Variants in LRRC31 observed in about 807,000 individuals in gnomAD.
LRRC31 encodes the protein leucine rich repeat containing 31.
In LRRC31, 35 loss-of-function variants were observed where a neutral mutation model predicts 46.7. The observed-to-expected ratio is 0.75, with a 90% CI of 0.57 to 0.99. The LOEUF (loss-of-function observed/expected upper bound fraction) is 0.99. LRRC31 is among the 50% of genes least tolerant of loss of function. The probability of loss-of-function intolerance (pLI) is 0.00; values close to 1 mark genes in which losing one functional copy is unlikely to be tolerated. For synonymous variants in LRRC31, 236 were observed against 235.1 expected (o/e 1.00, Z -0.03); for missense variants, 613 against 626.1 (o/e 0.98, Z 0.22).
intron 7 of LRRC31, among the ~76,000 whole-genome samples, chr3:169,850,941 C>T (rs1371254110): frequency 6.6e-6 from 1 of 152,090 alleles, no homozygotes; most frequent in Non-Finnish European, 1.5e-5. Context: ...CACCACCTCC[C>T]TTTACTTGCT....
intron 8 of LRRC31, among the ~76,000 whole-genome samples, chr3:169,845,822 AC>A (rs899151142): frequency 6.6e-6 from 1 of 152,136 alleles, no homozygotes; most frequent in African/African-American, 2.4e-5. Context: ...ACACAAAAAA[AC>A]TCTATTCATC....
At chr3:169,866,360 G>GTCTTC (rs1781333202) in intron 1 of LRRC31, among the ~76,000 whole-genome samples, 1 of 152,174 alleles carries the variant, frequency 6.6e-6, no homozygotes, top group Non-Finnish European at 1.5e-5. Flanking sequence ...AAATAGAAAT[G>GTCTTC]AAGAACCAAG....
In LRRC31 at chr3:169,869,547, C is replaced by T. The variant is rs1192315267; in HGVS notation, c.175+86G>A. The T allele has an allele frequency of 2.6e-5, 33 of 1,289,574 alleles. No homozygotes were observed. The Middle Eastern group carries it at 8.5e-4, about 33-fold the overall frequency. The allele number at this position is 1,289,574 out of a possible 1,614,324, so 79.9% of individuals were successfully genotyped here. Reference sequence around the variant, plus strand: ...AATATATACACCTACTATGTACCCACAAAAATTAAAAATAAAAATATTTTA... The same window carrying T: ...AATATATACACCTACTATGTACCCATAAAAATTAAAAATAAAAATATTTTA... On this transcript the variant is annotated intron_variant, in intron 1 of 8. Coordinates refer to ENST00000316428, the MANE Select transcript of LRRC31 (RefSeq NM_024727.4).
rs756184443 is a variant in LRRC31 at position 169,869,823 on chromosome 3, G to A, written c.-16C>T. 2.5e-6 allele frequency: 4 copies of A among 1,596,362 alleles called. No individual in the cohort carries two copies. In the African/African-American group the frequency reaches 4.1e-5, roughly 16 times the overall value. The stretch of plus-strand genomic sequence containing the variant: ...TTTGACTCATGGTGAAGTTGATGGG[G>A]GTAGTTCCCAATAAGACATCTTCCT... On this transcript the variant is annotated 5_prime_UTR_variant, in exon 1 of 9. Coordinates refer to ENST00000316428, the MANE Select transcript of LRRC31 (RefSeq NM_024727.4).
In LRRC31 at chr3:169,856,863, A is replaced by C; in HGVS notation, c.497T>G (p.Phe166Cys). 6.2e-7 allele frequency: 1 copy of C among 1,606,312 alleles called. No individual in the cohort carries two copies. The highest frequency in any genetic ancestry group is 8.5e-7 in the Non-Finnish European group (1 of 1,176,796). ...TDDVQALGEA[F>C]EMIPELEELN... ...CTCTTCAAGTTCAGGAATCATCTCA[A>C]ATGCTTCTCCTGTTAACAAATGGCC... Residue 166 changes from phenylalanine (F) to cysteine (C), a missense_variant, in exon 4 of 9, where the codon TTT (phenylalanine) becomes TGT (cysteine). Phe to Cys is a radical substitution (Grantham distance 205, BLOSUM62 -2). Transcript: ENST00000316428.
intron 5 of LRRC31, among the ~76,000 whole-genome samples, chr3:169,856,086 T>C (rs1431165797): frequency 1.3e-5 from 2 of 151,712 alleles, no homozygotes; most frequent in African/African-American, 2.4e-5. Context: ...TTTCACCATG[T>C]TGGCCAGGCT....
chr3:169,861,549 C>A (rs1781160380), intron 2 of LRRC31, 121 bp downstream of exon 2: 3 of 978,062 alleles, frequency 3.1e-6, no homozygotes, highest in Non-Finnish European at 1.5e-6. Flanking sequence ...GCTGTTTCTG[C>A]AATTGTCTGG....
chr3:169,852,461 T>C (rs1780817249), intron 6 of LRRC31, among the ~76,000 whole-genome samples: 3 of 150,240 alleles, frequency 2.0e-5, no homozygotes, highest in Admixed American at 6.6e-5. Context: ...CAAGTGGTCA[T>C]TGGGAAGGTA....
chr3:169,856,511 G>C lies in LRRC31; in HGVS notation c.656-8C>G. The C allele has an allele frequency of 6.3e-7, 1 of 1,585,370 alleles. No homozygotes were observed. The highest frequency in any genetic ancestry group is 8.6e-7 in the Non-Finnish European group (1 of 1,167,478). On this transcript the variant is annotated splice_polypyrimidine_tract_variant and splice_region_variant and intron_variant, in intron 4 of 8. Coordinates refer to ENST00000316428, the MANE Select transcript of LRRC31 (RefSeq NM_024727.4). The stretch of plus-strand genomic sequence containing the variant: ...GCATAGGTAGCAGTTGACCTAGAAG[G>C]AAAGAAATCCAAATAAGAAGGGTAG...
At chr3:169,861,357 G>A (rs1232880660) in intron 2 of LRRC31, among the ~76,000 whole-genome samples, 1 of 149,924 alleles carries the variant, frequency 6.7e-6, no homozygotes, top group African/African-American at 2.5e-5. Flanking sequence ...GTGAGCCACT[G>A]CGCCTGGCCT....
chr3:169,862,271 G>C (rs994943597), intron 1 of LRRC31, among the ~76,000 whole-genome samples: 1 of 152,192 alleles, frequency 6.6e-6, no homozygotes, highest in African/African-American at 2.4e-5. Flanking sequence ...ATGGCCACAC[G>C]GAGTAAGTGG....
At chr3:169,861,176 T>C (rs1347191875) in intron 2 of LRRC31, among the ~76,000 whole-genome samples, 1 of 150,446 alleles carries the variant, frequency 6.6e-6, no homozygotes, top group Non-Finnish European at 1.5e-5. Context: ...TTCAAGTAAT[T>C]CTCTGCCTCA....
chr3:169,844,075 A>G (rs1400131758), intron 8 of LRRC31, among the ~76,000 whole-genome samples: 1 of 152,324 alleles, frequency 6.6e-6, no homozygotes, highest in Non-Finnish European at 1.5e-5. Flanking sequence ...TCTGGAAAAT[A>G]AAAGAGGAAG....
chr3:169,852,571 A>T (rs1780820310), intron 6 of LRRC31, among the ~76,000 whole-genome samples: 1 of 152,232 alleles, frequency 6.6e-6, no homozygotes, highest in South Asian at 2.1e-4. Context: ...GAATGTAAGT[A>T]CCAGTAAGGC....
At chr3:169,861,560 G>C in intron 2 of LRRC31, 110 bp downstream of exon 2, 1 of 1,118,064 alleles carries the variant, frequency 8.9e-7, no homozygotes, top group Non-Finnish European at 1.3e-6. Flanking sequence ...AATTGTCTGG[G>C]ACCACTCAGC....
intron 6 of LRRC31, chr3:169,853,750 A>G: frequency 3.1e-6 from 3 of 976,312 alleles, no homozygotes; most frequent in Non-Finnish European, 3.7e-6. Flanking sequence ...ATAATTTAGC[A>G]GGTTTAAAAA....
In LRRC31 at chr3:169,839,389, G is replaced by C. The variant is rs1010265252; in HGVS notation, c.*593C>G. The stretch of plus-strand genomic sequence containing the variant: ...TCATGGTTTATATCTGAGATAAAAG[G>C]CACCAGAATATAAAATAATAAACCA... On this transcript the variant is annotated 3_prime_UTR_variant, in exon 9 of 9. Coordinates refer to ENST00000316428, the MANE Select transcript of LRRC31 (RefSeq NM_024727.4). The C allele has an allele frequency of 2.0e-5, 3 of 152,006 alleles. No individual in the cohort carries two copies. Among genetic ancestry groups the C allele is most frequent in the Non-Finnish European group, 4.4e-5 (3 of 67,988 alleles). The allele number at this position is 152,006 out of a possible 1,614,324, so 9.4% of individuals were successfully genotyped here.
chr3:169,854,752 A>C, intron 6 of LRRC31, 61 bp downstream of exon 6: 1 of 1,361,564 alleles, frequency 7.3e-7, no homozygotes, highest in South Asian at 1.3e-5. Flanking sequence ...AAAATTTCCA[A>C]GTTTCCAAAT....
chr3:169,865,304 G>A (rs1177960404), intron 1 of LRRC31, among the ~76,000 whole-genome samples: 4 of 152,006 alleles, frequency 2.6e-5, no homozygotes, highest in Non-Finnish European at 5.9e-5. Flanking sequence ...GATACCTTAT[G>A]TCACAGCTCA....
Sources: allele counts gnomAD v4.1 joint callset (sites outside exome capture counted in the v4.1 genomes callset), GRCh38; gene constraint gnomAD v4.1.1; transcripts MANE v1.5; gene names NCBI Gene and HGNC (gene_info 2026-07-23, HGNC 2026-07-21).